Variants in PPARD observed in about 807,000 individuals in gnomAD.
The protein encoded by PPARD is peroxisome proliferator activated receptor delta.
In PPARD, 6 loss-of-function variants were observed where a neutral mutation model predicts 39.5. The ratio of observed to expected loss-of-function variants is 0.15; its 90% confidence interval spans 0.08 to 0.30. PPARD has a LOEUF of 0.30. Ranked by LOEUF, PPARD falls within the 10% of genes least tolerant of loss-of-function variation. The pLI, the probability that PPARD is intolerant of heterozygous loss-of-function variation, is 1.00. For synonymous variants in PPARD, 210 were observed against 231.3 expected (o/e 0.91, Z 0.83); for missense variants, 397 against 596.8 (o/e 0.67, Z 3.49).
intron 3 of PPARD, among the ~76,000 whole-genome samples, chr6:35,417,769 A>ATT (rs1202086796): frequency 6.6e-6 from 1 of 152,086 alleles, no homozygotes; most frequent in East Asian, 1.9e-4. Context: ...TGACCTCGTG[A>ATT]TCCGCCCGCG....
chr6:35,391,449 A>C (rs1162527026), intron 2 of PPARD, among the ~76,000 whole-genome samples: 1 of 152,222 alleles, frequency 6.6e-6, no homozygotes, highest in African/African-American at 2.4e-5. Flanking sequence ...GTGGGAACCC[A>C]CATAGATGAG....
chr6:35,373,948 G>A (rs1762639418), intron 2 of PPARD, among the ~76,000 whole-genome samples: 1 of 152,182 alleles, frequency 6.6e-6, no homozygotes. Flanking sequence ...TGGGATTGCA[G>A]TGTGAGCCAC....
chr6:35,378,948 T>C (rs1762971627), intron 2 of PPARD, among the ~76,000 whole-genome samples: 1 of 151,986 alleles, frequency 6.6e-6, no homozygotes, highest in Admixed American at 6.6e-5. Context: ...CCTTTAAAGA[T>C]CCCCAGATTA....
chr6:35,397,557 GC>G (rs1434611727), intron 2 of PPARD: 15 of 985,260 alleles, frequency 1.5e-5, no homozygotes, highest in Non-Finnish European at 1.8e-5. Context: ...GAAAACTGAA[GC>G]CCGTGGAGCA....
At chr6:35,397,346 C>T (rs1236279025) in intron 2 of PPARD, among the ~76,000 whole-genome samples, 1 of 152,128 alleles carries the variant, frequency 6.6e-6, no homozygotes, top group Non-Finnish European at 1.5e-5. Flanking sequence ...CCTCCCGCAA[C>T]CACCACCACC....
chr6:35,406,549 C>T (rs891880134), intron 2 of PPARD, among the ~76,000 whole-genome samples: 18 of 152,168 alleles, frequency 1.2e-4, no homozygotes, highest in Middle Eastern at 3.2e-3. Context: ...GCCCAAGGGA[C>T]GTGGGTAGGT....
chr6:35,408,955 G>A (rs910040668), intron 2 of PPARD, among the ~76,000 whole-genome samples: 6 of 151,676 alleles, frequency 4.0e-5, no homozygotes, highest in African/African-American at 1.5e-4. Flanking sequence ...TTTCTGCTTC[G>A]GGGATCTGGT....
At chr6:35,346,366 C>T (rs1792184430) in intron 1 of PPARD, among the ~76,000 whole-genome samples, 1 of 152,196 alleles carries the variant, frequency 6.6e-6, no homozygotes. Context: ...TTCCTCCCTA[C>T]CCAGGTCTCT....
At chr6:35,383,093 C>T (rs1379486172) in intron 2 of PPARD, among the ~76,000 whole-genome samples, 2 of 151,944 alleles carry the variant, frequency 1.3e-5, no homozygotes, top group Non-Finnish European at 2.9e-5. Flanking sequence ...AGTGGAGAGG[C>T]AGATCTAGGT....
intron 2 of PPARD, among the ~76,000 whole-genome samples, chr6:35,385,713 T>G (rs950694063): frequency 2.0e-5 from 3 of 146,564 alleles, no homozygotes; most frequent in South Asian, 2.2e-4. Context: ...TGGCCTGGCA[T>G]GAAGATAATT....
intron 2 of PPARD, among the ~76,000 whole-genome samples, chr6:35,405,672 C>A (rs2150751119): frequency 6.6e-6 from 1 of 152,238 alleles, no homozygotes; most frequent in East Asian, 1.9e-4. Context: ...CTCTGTCACC[C>A]AGGCTGGAGT....
At chr6:35,410,728 T>C (rs143820936) in intron 2 of PPARD, among the ~76,000 whole-genome samples, 187 of 152,148 alleles carry the variant, frequency 1.2e-3, no homozygotes, top group Non-Finnish European at 2.1e-3. Context: ...GGTGGCACAG[T>C]GATGTGTCAC....
At chr6:35,390,417 G>C (rs1017722239) in intron 2 of PPARD, among the ~76,000 whole-genome samples, 9 of 152,198 alleles carry the variant, frequency 5.9e-5, no homozygotes, top group Non-Finnish European at 1.0e-4. Flanking sequence ...TCTCTGGCTG[G>C]AGCTACTAGG....
chr6:35,400,960 G>A lies in PPARD; in HGVS notation c.-101-10027G>A, dbSNP rs935013425. On this transcript the variant is annotated intron_variant, in intron 2 of 7. Coordinates refer to ENST00000360694, the MANE Select transcript of PPARD (RefSeq NM_006238.5). Reference sequence around the variant, plus strand: ...GTGTAGTTGTCAAGCCTGGGAATGTGGCTGTTAGTATCGATTGGCCTCATG... The same window carrying A: ...GTGTAGTTGTCAAGCCTGGGAATGTAGCTGTTAGTATCGATTGGCCTCATG... Among the ~76,000 whole-genome samples the A allele has an allele frequency of 3.0e-4, 45 of 152,144 alleles. 1 individual carries two copies. Among genetic ancestry groups the A allele is most frequent in the Admixed American group, 4.6e-4 (7 of 15,278 alleles).
chr6:35,416,419 T>C (rs1170483120), intron 3 of PPARD, among the ~76,000 whole-genome samples: 1 of 147,320 alleles, frequency 6.8e-6, no homozygotes, highest in Non-Finnish European at 1.5e-5. Flanking sequence ...AACACCTTCT[T>C]AGCACATTGT....
Position 35,401,810 on chromosome 6 carries a change from A to G in PPARD, c.-101-9177A>G, listed in dbSNP as rs1211137142. Among the ~76,000 whole-genome samples the G allele has an allele frequency of 1.3e-5, 2 of 152,188 alleles. No individual in the cohort carries two copies. Among genetic ancestry groups the G allele is most frequent in the African/African-American group, 4.8e-5 (2 of 41,450 alleles). On this transcript the variant is annotated intron_variant, in intron 2 of 7. Transcript: ENST00000360694. This position sits in a 1 kb window ranked among gnomAD's most constrained non-coding sequence, Gnocchi z 4.1. ...GGTACTTGACAAATATTTGTTGAAC[A>G]AGTGAATGAAACCAGCTGGCAGGGA...
chr6:35,426,077 T>G lies in PPARD; in HGVS notation c.1324T>G (p.Ter442GluextTer91). 1 of 1,610,934 alleles carries G rather than the reference T, an allele frequency of 6.2e-7. No individual in the cohort carries two copies. Among genetic ancestry groups the G allele is most frequent in the African/African-American group, 1.3e-5 (1 of 74,980 alleles). Residue 442 changes from the stop codon to glutamate, a stop_lost, in exon 8 of 8, where the codon TAA (stop) becomes GAA (glutamate). Transcript: ENST00000360694. ...LLQEIYKDMY[*>E] The stretch of plus-strand genomic sequence containing the variant: ...CCAGGAGATCTACAAGGACATGTAC[T>G]AACGGCGGCACCCAGGCCTCCCTGC...
At chr6:35,403,032 G>A (rs752413573) in intron 2 of PPARD, among the ~76,000 whole-genome samples, 1 of 152,188 alleles carries the variant, frequency 6.6e-6, no homozygotes, top group Non-Finnish European at 1.5e-5. Context: ...GAGAAGGGGA[G>A]GAAGGTTTAG....
At chr6:35,416,697 A>T (rs538385977) in intron 3 of PPARD, among the ~76,000 whole-genome samples, 16 of 152,284 alleles carry the variant, frequency 1.1e-4, no homozygotes, top group African/African-American at 1.7e-4. Context: ...GAACCTTCAG[A>T]ACCCAGCCCC....
Sources: allele counts gnomAD v4.1 joint callset (sites outside exome capture counted in the v4.1 genomes callset), GRCh38; gene constraint gnomAD v4.1.1; non-coding constraint Gnocchi (gnomAD v3.1); transcripts MANE v1.5; gene names NCBI Gene and HGNC (gene_info 2026-07-23, HGNC 2026-07-21).